CACNA2D2: variants seen among roughly 807,000 people sequenced by gnomAD.
CACNA2D2 encodes the protein voltage-dependent calcium channel subunit alpha-2/delta-2.
In CACNA2D2, 48 loss-of-function variants were observed where a neutral mutation model predicts 166.4. The observed-to-expected ratio is 0.29, with a 90% confidence interval of 0.23 to 0.37. CACNA2D2 has a LOEUF of 0.37. Among genes scored for constraint, CACNA2D2 ranks in the 10% least tolerant of loss-of-function variants. CACNA2D2 has a pLI of 1.00. For synonymous variants in CACNA2D2, 561 were observed against 573.7 expected (o/e 0.98, Z 0.32); for missense variants, 1,122 against 1,433.0 (o/e 0.78, Z 3.50).
chr3:50,383,047 A>G (rs1705410145), intron 6 of CACNA2D2, among the ~76,000 whole-genome samples: 1 of 152,234 alleles, frequency 6.6e-6, no homozygotes. Context: ...TAGGCAGGTG[A>G]TTACAGATTT....
chr3:50,420,982 C>G (rs1308096235), intron 3 of CACNA2D2, among the ~76,000 whole-genome samples: 1 of 152,182 alleles, frequency 6.6e-6, no homozygotes. Flanking sequence ...GGGCAGGGCT[C>G]AGTCAGGCCT....
intron 1 of CACNA2D2, among the ~76,000 whole-genome samples, chr3:50,487,974 C>G (rs939346438): frequency 6.6e-6 from 1 of 152,120 alleles, no homozygotes; most frequent in African/African-American, 2.4e-5. Context: ...GCAGAGGAAG[C>G]TGATACCTGA....
At chr3:50,404,577 C>T (rs1280708683) in intron 3 of CACNA2D2, among the ~76,000 whole-genome samples, 3 of 152,186 alleles carry the variant, frequency 2.0e-5, no homozygotes, top group Non-Finnish European at 4.4e-5. Flanking sequence ...AAGAAGCCTT[C>T]TCAGATGCCT....
In CACNA2D2 at chr3:50,376,551, T is replaced by G. The variant is rs1480902135; in HGVS notation, c.1627-363A>C. Among the ~76,000 whole-genome samples, 1 of 152,172 alleles carries G rather than the reference T, an allele frequency of 6.6e-6. No individual in the cohort carries two copies. On this transcript the variant is annotated intron_variant, in intron 17 of 37. Coordinates refer to ENST00000424201, the MANE Select transcript of CACNA2D2 (RefSeq NM_006030.4). The surrounding 1 kb of genome is among the most constrained non-coding windows in gnomAD (Gnocchi z 4.3). The stretch of plus-strand genomic sequence containing the variant: ...GCCCTCCTCTAGCCACTACTGCCCC[T>G]GATTTGTGCCTCCTCCTTGTCCCCA...
At chr3:50,464,312 T>G (rs1159890284) in intron 2 of CACNA2D2, among the ~76,000 whole-genome samples, 2 of 152,218 alleles carry the variant, frequency 1.3e-5, no homozygotes, top group Admixed American at 1.3e-4. Context: ...CTTCTCTAGT[T>G]TGCCTAGGGC....
chr3:50,374,326 G>A (rs1332730188), intron 22 of CACNA2D2, among the ~76,000 whole-genome samples: 1 of 91,588 alleles, frequency 1.1e-5, no homozygotes, highest in Non-Finnish European at 2.3e-5. Context: ...GGAGGAGAAA[G>A]GGGAGGGTAG....
Position 50,378,308 on chromosome 3 carries a change from G to A in CACNA2D2, c.1365C>T (p.Ile455=), listed in dbSNP as rs760989430. ...CCTGTGTGTTGATGCGGATGGCTCC[G>A]ATGGAAGGGATCTCAAAATAGTAGC... The part of the protein sequence containing the change: ...NKGYYFEIPS[I]GAIRINTQEY... Residue 455 remains isoleucine (I), a synonymous_variant, in exon 14 of 38, where the codon ATC becomes ATT. Coordinates refer to ENST00000424201, the MANE Select transcript of CACNA2D2 (RefSeq NM_006030.4). 3.9e-5 allele frequency: 60 copies of A among 1,552,130 alleles called. No individual in the cohort carries two copies. The Middle Eastern group carries it at 5.0e-4, about 13-fold the overall frequency.
chr3:50,499,662 A>C (rs889845826), intron 1 of CACNA2D2, among the ~76,000 whole-genome samples: 5 of 152,350 alleles, frequency 3.3e-5, no homozygotes, highest in South Asian at 2.1e-4. Context: ...CAGGAGGAGA[A>C]GGGGATACTT....
In CACNA2D2 at chr3:50,365,968, C is replaced by T. The variant is rs1215051899; in HGVS notation, c.2862+43G>A. ...AGGGGGTCATCTGTGGGCAGGTCTC[C>T]CAGTCCCCCCCATCTCCAGTCCAGG... On this transcript the variant is annotated intron_variant, in intron 32 of 37. Transcript: ENST00000424201. The surrounding 1 kb of genome is among the most constrained non-coding windows in gnomAD (Gnocchi z 4.5). The T allele has an allele frequency of 6.2e-7, 1 of 1,610,440 alleles. No individual in the cohort carries two copies.
intron 2 of CACNA2D2, among the ~76,000 whole-genome samples, chr3:50,454,334 G>A (rs1466126610): frequency 1.3e-5 from 2 of 152,218 alleles, no homozygotes; most frequent in Non-Finnish European, 2.9e-5. Flanking sequence ...CGGAGAAGTT[G>A]GGCGTTGATG....
Position 50,407,216 on chromosome 3 carries a change from A to G in CACNA2D2, c.406-13048T>C, listed in dbSNP as rs369676189. 6.6e-5 allele frequency among the ~76,000 whole-genome samples: 10 copies of G among 151,932 alleles called. 1 individual carries two copies. The East Asian group carries it at 2.1e-3, about 31-fold the overall frequency. Reference sequence around the variant, plus strand: ...TACAAAGGGGGAGCTGAGGCCTGGAAGGACTGTCAGGCCACTGTACCATTA... The same window carrying G: ...TACAAAGGGGGAGCTGAGGCCTGGAGGGACTGTCAGGCCACTGTACCATTA... On this transcript the variant is annotated intron_variant, in intron 3 of 37. Transcript: ENST00000424201.
At chr3:50,391,105 C>G (rs1315769788) in intron 4 of CACNA2D2, among the ~76,000 whole-genome samples, 1 of 152,230 alleles carries the variant, frequency 6.6e-6, no homozygotes, top group Non-Finnish European at 1.5e-5. Context: ...GCCACCTGTC[C>G]TGTCCAGCTG....
intron 3 of CACNA2D2, among the ~76,000 whole-genome samples, chr3:50,410,621 C>T (rs1481000153): frequency 1.3e-5 from 2 of 152,236 alleles, no homozygotes; most frequent in African/African-American, 4.8e-5. Flanking sequence ...GGGTTGAGCT[C>T]TTTTCAGCAC....
intron 3 of CACNA2D2, among the ~76,000 whole-genome samples, chr3:50,405,999 C>T (rs756518475): frequency 2.0e-5 from 3 of 151,836 alleles, no homozygotes; most frequent in East Asian, 2.1e-4. Flanking sequence ...TCTCTACCCC[C>T]TATCCATTGC....
intron 4 of CACNA2D2, 27 bp from the exon 5 acceptor site, chr3:50,387,639 C>T: frequency 6.3e-7 from 1 of 1,594,118 alleles, no homozygotes; most frequent in South Asian, 1.1e-5. Flanking sequence ...GGCCTCAGCA[C>T]TAGCTGCTCA....
At chr3:50,445,614 G>C (rs1296726609) in intron 2 of CACNA2D2, among the ~76,000 whole-genome samples, 2 of 152,172 alleles carry the variant, frequency 1.3e-5, no homozygotes, top group Non-Finnish European at 2.9e-5. Flanking sequence ...ACAGGACCAA[G>C]ACACTAAGGC....
chr3:50,453,497 G>A (rs1037012076), intron 2 of CACNA2D2, among the ~76,000 whole-genome samples: 2 of 152,188 alleles, frequency 1.3e-5, no homozygotes, highest in Non-Finnish European at 2.9e-5. Context: ...CAGGCCCCCA[G>A]CCCTGTCCTT....
chr3:50,495,210 A>G (rs934167265), intron 1 of CACNA2D2, among the ~76,000 whole-genome samples: 2 of 152,166 alleles, frequency 1.3e-5, no homozygotes, highest in Non-Finnish European at 2.9e-5. Context: ...TGGCTGTGGC[A>G]TGTCCTTTCC....
chr3:50,440,100 CCCTATAG>C (rs1234248271), intron 2 of CACNA2D2, among the ~76,000 whole-genome samples: 3 of 152,236 alleles, frequency 2.0e-5, no homozygotes, highest in African/African-American at 7.2e-5. Context: ...TCAGGGCTCT[CCCTATAG>C]CCTAGTTCTT....
Sources: gnomAD v4.1 joint callset for allele counts (sites outside exome capture counted in the v4.1 genomes callset) on GRCh38, gnomAD v4.1.1 for gene constraint, Gnocchi (gnomAD v3.1) non-coding constraint, MANE v1.5 for transcripts, NCBI Gene and HGNC (gene_info 2026-07-23, HGNC 2026-07-21) for gene names.